PRKG1: variants seen among roughly 807,000 people sequenced by gnomAD.
PRKG1 encodes the protein protein kinase cGMP-dependent 1.
PRKG1 carries 35 observed loss-of-function variants against 88.1 expected under a neutral mutation model. The ratio of observed to expected loss-of-function variants is 0.40; its 90% CI spans 0.30 to 0.53. The LOEUF is 0.53. Among genes scored for constraint, PRKG1 ranks in the 20% least tolerant of loss-of-function variants. PRKG1 has a pLI of 0.59. For synonymous variants in PRKG1, 303 were observed against 292.5 expected (o/e 1.04, Z -0.37); for missense variants, 540 against 839.8 (o/e 0.64, Z 4.41).
intron 3 of PRKG1, among the ~76,000 whole-genome samples, chr10:51,707,432 G>A (rs756970562): frequency 2.6e-5 from 4 of 152,118 alleles, no homozygotes; most frequent in Non-Finnish European, 5.9e-5. Flanking sequence ...AACATAGAAA[G>A]GCATAGCTAA....
chr10:52,121,756 C>T (rs1847823580), intron 7 of PRKG1, among the ~76,000 whole-genome samples: 1 of 152,198 alleles, frequency 6.6e-6, no homozygotes, highest in African/African-American at 2.4e-5. Flanking sequence ...TTTCTACCAA[C>T]ATTTTAATCA....
intron 3 of PRKG1, among the ~76,000 whole-genome samples, chr10:51,731,183 C>G (rs1842264579): frequency 6.6e-6 from 1 of 151,960 alleles, no homozygotes; most frequent in Non-Finnish European, 1.5e-5. Context: ...AAACAAAAAA[C>G]CCACTTCTGA....
chr10:51,492,783 A>G (rs1216421870), intron 3 of PRKG1, among the ~76,000 whole-genome samples: 1 of 152,148 alleles, frequency 6.6e-6, no homozygotes, highest in Non-Finnish European at 1.5e-5. Flanking sequence ...AACGATATGT[A>G]TTTCAGAGTT....
chr10:51,939,674 G>GT (rs1198438985), intron 5 of PRKG1, among the ~76,000 whole-genome samples: 1 of 151,334 alleles, frequency 6.6e-6, no homozygotes, highest in Non-Finnish European at 1.5e-5. Context: ...TTGGCCTCTG[G>GT]TAAGTACTTT....
At chr10:51,116,763 A>C (rs1845132246) in intron 1 of PRKG1, among the ~76,000 whole-genome samples, 1 of 152,146 alleles carries the variant, frequency 6.6e-6, no homozygotes, top group Non-Finnish European at 1.5e-5. Flanking sequence ...GAGAGGGTGG[A>C]AGGCTGGATC....
At chr10:52,075,407 G>A (rs1477462460) in intron 7 of PRKG1, among the ~76,000 whole-genome samples, 1 of 152,158 alleles carries the variant, frequency 6.6e-6, no homozygotes, top group Non-Finnish European at 1.5e-5. Flanking sequence ...TAAAATTTAT[G>A]TGGACCTAGA....
chr10:52,126,763 T>C (rs1269032843), intron 7 of PRKG1, among the ~76,000 whole-genome samples: 1 of 152,176 alleles, frequency 6.6e-6, no homozygotes, highest in Non-Finnish European at 1.5e-5. Context: ...GTCAGCTGCA[T>C]GTGCACAGGC....
intron 1 of PRKG1, among the ~76,000 whole-genome samples, chr10:50,996,891 A>C (rs1842841700): frequency 6.6e-6 from 1 of 152,102 alleles, no homozygotes; most frequent in African/African-American, 2.4e-5. Flanking sequence ...TATTTAATTT[A>C]CTCAGCTGAG....
chr10:52,090,108 C>T (rs564573926), intron 7 of PRKG1, among the ~76,000 whole-genome samples: 8 of 152,074 alleles, frequency 5.3e-5, no homozygotes, highest in Middle Eastern at 3.4e-3. Context: ...CCACCACACC[C>T]GGCCTAGATT....
intron 3 of PRKG1, among the ~76,000 whole-genome samples, chr10:51,771,347 C>G (rs1245948284): frequency 6.6e-6 from 1 of 152,080 alleles, no homozygotes; most frequent in Admixed American, 6.6e-5. Flanking sequence ...TCTCCTTCTT[C>G]CTCTTAAAAA....
chr10:51,540,497 T>C (rs1842272951), intron 3 of PRKG1, among the ~76,000 whole-genome samples: 1 of 152,170 alleles, frequency 6.6e-6, no homozygotes, highest in African/African-American at 2.4e-5. Context: ...AGATACCTAA[T>C]TGCTTATTTG....
intron 1 of PRKG1, among the ~76,000 whole-genome samples, chr10:51,095,319 A>C (rs1844501449): frequency 6.6e-6 from 1 of 152,110 alleles, no homozygotes; most frequent in Admixed American, 6.6e-5. Context: ...TTTCTCTTCT[A>C]TATGAGCTCC....
At chr10:51,255,438 A>G (rs1467155584) in intron 2 of PRKG1, among the ~76,000 whole-genome samples, 3 of 152,130 alleles carry the variant, frequency 2.0e-5, no homozygotes, top group South Asian at 2.1e-4. Flanking sequence ...TGCTCGAACT[A>G]TCTCAAACTG....
upstream of PRKG1, among the ~76,000 whole-genome samples, chr10:51,070,504 C>G (rs1019137633): frequency 6.6e-6 from 1 of 152,102 alleles, no homozygotes; most frequent in Non-Finnish European, 1.5e-5. Context: ...AAGATATACA[C>G]ATGAAATGAC....
chr10:51,777,354 G>A (rs979128650), intron 3 of PRKG1, among the ~76,000 whole-genome samples: 14 of 152,068 alleles, frequency 9.2e-5, no homozygotes, highest in African/African-American at 3.1e-4. Context: ...CCTCCCTCCC[G>A]AGAAAGCTTC....
At chr10:51,067,882 C>T (rs1053275617) in intron 1 of PRKG1, among the ~76,000 whole-genome samples, 2 of 151,966 alleles carry the variant, frequency 1.3e-5, no homozygotes, top group African/African-American at 4.8e-5. Flanking sequence ...ATCTGGAACA[C>T]TAATATTTAT....
Position 52,181,823 on chromosome 10 carries a change from C to T in PRKG1, c.1076+19860C>T, listed in dbSNP as rs200478503. Reference sequence around the variant, plus strand: ...GTATATGTGCCACATTTTCTTAATCCAGTCTATCATTGTTGGACATTTGGG... The same window carrying T: ...GTATATGTGCCACATTTTCTTAATCTAGTCTATCATTGTTGGACATTTGGG... On this transcript the variant is annotated intron_variant, in intron 9 of 17. Transcript: ENST00000373980. Among the ~76,000 whole-genome samples the T allele has an allele frequency of 0.02, 492 of 24,976 alleles. 31 individuals are homozygous for T. The East Asian group carries it at 0.29, about 15-fold the overall frequency. 16.4% of individuals were successfully genotyped at this position (24,976 alleles called of 152,430 possible).
At chr10:51,076,195 T>C (rs1220144621) in intron 1 of PRKG1, among the ~76,000 whole-genome samples, 2 of 152,210 alleles carry the variant, frequency 1.3e-5, no homozygotes, top group Non-Finnish European at 2.9e-5. Flanking sequence ...CCATGGAACA[T>C]TTGCTGTTCA....
intron 2 of PRKG1, among the ~76,000 whole-genome samples, chr10:51,272,261 G>A (rs1348436564): frequency 6.6e-6 from 1 of 151,882 alleles, no homozygotes; most frequent in East Asian, 1.9e-4. Flanking sequence ...TTTTTGATGG[G>A]GTTGTTGAAA....
Sources: allele counts gnomAD v4.1 joint callset (sites outside exome capture counted in the v4.1 genomes callset), GRCh38; gene constraint gnomAD v4.1.1; transcripts MANE v1.5; gene names NCBI Gene and HGNC (gene_info 2026-07-23, HGNC 2026-07-21).